ATP8A2: variants seen among roughly 807,000 people sequenced by gnomAD.
ATP8A2 encodes phospholipid-transporting ATPase IB.
Under a neutral mutation model 165.6 loss-of-function variants are expected in ATP8A2, and 100 were observed. The observed-to-expected ratio is 0.60, with a 90% confidence interval of 0.51 to 0.71. The LOEUF is 0.71. Ranked by LOEUF, ATP8A2 falls within the 30% of genes least tolerant of loss-of-function variation. ATP8A2 has a pLI of 0.00. For synonymous variants in ATP8A2, 543 were observed against 548.8 expected (o/e 0.99, Z 0.15); for missense variants, 1,227 against 1,479.5 (o/e 0.83, Z 2.80).
intron 23 of ATP8A2, among the ~76,000 whole-genome samples, chr13:25,589,379 A>G (rs1203471830): frequency 1.3e-5 from 2 of 152,236 alleles, no homozygotes; most frequent in Non-Finnish European, 1.5e-5. Flanking sequence ...TTATACAAGG[A>G]TAACAGAGAT....
chr13:25,817,269 A>G (rs1330703392), intron 27 of ATP8A2, among the ~76,000 whole-genome samples: 1 of 150,038 alleles, frequency 6.7e-6, no homozygotes, highest in Non-Finnish European at 1.5e-5. Context: ...TGGAGCGATT[A>G]TGTTCTATTG....
chr13:25,661,021 C>T (rs1204053441), intron 24 of ATP8A2, among the ~76,000 whole-genome samples: 1 of 152,150 alleles, frequency 6.6e-6, no homozygotes, highest in Non-Finnish European at 1.5e-5. Flanking sequence ...GGGGATTCTT[C>T]ATTTTAATAA....
At chr13:25,529,688 G>A (rs1175974770) in intron 2 of ATP8A2, among the ~76,000 whole-genome samples, 2 of 152,166 alleles carry the variant, frequency 1.3e-5, no homozygotes, top group Non-Finnish European at 2.9e-5. Flanking sequence ...TTATTCACAC[G>A]CCTGCTGTTC....
chr13:25,857,194 C>T (rs1952190606), intron 30 of ATP8A2, among the ~76,000 whole-genome samples: 1 of 152,176 alleles, frequency 6.6e-6, no homozygotes, highest in African/African-American at 2.4e-5. Flanking sequence ...CAAGTGCTGT[C>T]TGCATTCAGA....
chr13:25,538,235 A>T (rs984938506), intron 7 of ATP8A2, among the ~76,000 whole-genome samples, 174 bp downstream of exon 7: 1 of 151,820 alleles, frequency 6.6e-6, no homozygotes, highest in Non-Finnish European at 1.5e-5. Context: ...TTTCTTTCTC[A>T]CATTCATTCC....
intron 27 of ATP8A2, among the ~76,000 whole-genome samples, chr13:25,787,560 G>A (rs2045061249): frequency 6.6e-6 from 1 of 152,118 alleles, no homozygotes. Context: ...CATTTTACTT[G>A]GCAAATACCT....
chr13:25,818,075 T>G (rs138915755), intron 27 of ATP8A2, among the ~76,000 whole-genome samples: 17 of 152,306 alleles, frequency 1.1e-4, no homozygotes, highest in Middle Eastern at 3.4e-3. Context: ...ATGAGAAGAT[T>G]ACTTCTGATT....
At chr13:25,677,893 G>T (rs1345153414) in intron 24 of ATP8A2, among the ~76,000 whole-genome samples, 2 of 152,108 alleles carry the variant, frequency 1.3e-5, no homozygotes, top group Non-Finnish European at 2.9e-5. Context: ...AGAGTTAGTG[G>T]TCCACAGATT....
At position 25,450,562 on chromosome 13, in the gene ATP8A2, C is replaced by T. The variant is rs192366151; in HGVS notation, c.77-18415C>T. On this transcript the variant is annotated intron_variant, in intron 1 of 36. Transcript: ENST00000381655. ...TGTGTGTGTGTGTGAGACGGAGTCTCGCTCTGTCGCCCAGGCTGGAGTGCA... is the reference window on the plus strand; with the variant it reads ...TGTGTGTGTGTGTGAGACGGAGTCTTGCTCTGTCGCCCAGGCTGGAGTGCA... Among the ~76,000 whole-genome samples the T allele has an allele frequency of 6.9e-3, 1,050 of 152,284 alleles. 5 individuals carry two copies. Among genetic ancestry groups the T allele is most frequent in the South Asian group, 0.013 (61 of 4,820 alleles).
intron 1 of ATP8A2, among the ~76,000 whole-genome samples, chr13:25,454,361 A>T (rs944697141): frequency 2.0e-5 from 3 of 152,054 alleles, no homozygotes; most frequent in Non-Finnish European, 4.4e-5. Flanking sequence ...GAGGAGAAGC[A>T]TCAACTCAGG....
At chr13:25,996,708 G>A (rs1956515499) in intron 35 of ATP8A2, among the ~76,000 whole-genome samples, 1 of 151,826 alleles carries the variant, frequency 6.6e-6, no homozygotes, top group Non-Finnish European at 1.5e-5. Flanking sequence ...TTTTGAGACG[G>A]AGTCTCACTC....
intron 1 of ATP8A2, among the ~76,000 whole-genome samples, chr13:25,436,554 T>C (rs1398596045): frequency 6.6e-6 from 1 of 152,168 alleles, no homozygotes; most frequent in African/African-American, 2.4e-5. Context: ...CTGTTGTAAA[T>C]AGTACTGTGA....
At chr13:25,979,888 T>A (rs1350764867) in intron 35 of ATP8A2, among the ~76,000 whole-genome samples, 1 of 152,100 alleles carries the variant, frequency 6.6e-6, no homozygotes, top group Non-Finnish European at 1.5e-5. Flanking sequence ...CTTTTCCTCA[T>A]CCATTACAAG....
chr13:25,612,583 G>C (rs2040716183), intron 24 of ATP8A2, among the ~76,000 whole-genome samples: 1 of 152,134 alleles, frequency 6.6e-6, no homozygotes, highest in Non-Finnish European at 1.5e-5. Context: ...AATGTTCCAA[G>C]TGCTGATGAA....
At chr13:25,591,489 G>A (rs960569977) in intron 24 of ATP8A2, 9 of 390,880 alleles carry the variant, frequency 2.3e-5, no homozygotes, top group African/African-American at 8.3e-5. Flanking sequence ...TCAGAATTTC[G>A]CTCCTTTTTA....
At chr13:25,398,042 G>A (rs1355069757) in intron 1 of ATP8A2, among the ~76,000 whole-genome samples, 2 of 152,098 alleles carry the variant, frequency 1.3e-5, no homozygotes, top group South Asian at 2.1e-4. Context: ...GATGGTAAAT[G>A]TCTCTTATCA....
intron 25 of ATP8A2, among the ~76,000 whole-genome samples, chr13:25,738,333 GCCC>G (rs775044728): frequency 8.8e-4 from 38 of 43,156 alleles, no homozygotes; most frequent in Admixed American, 3.0e-3. Flanking sequence ...TTCTTTTTGT[GCCC>G]CCCTCCCCCC....
At chr13:25,511,146 G>A (rs910788880) in intron 2 of ATP8A2, among the ~76,000 whole-genome samples, 8 of 152,110 alleles carry the variant, frequency 5.3e-5, no homozygotes, top group African/African-American at 1.9e-4. Context: ...ATTACCTCAG[G>A]TCCAAGTAGT....
At chr13:25,719,179 A>G (rs1008704012) in intron 25 of ATP8A2, among the ~76,000 whole-genome samples, 1 of 152,126 alleles carries the variant, frequency 6.6e-6, no homozygotes, top group Admixed American at 6.5e-5. Flanking sequence ...ATGTCTTGCT[A>G]TTTCATTTCT....
Sources: gnomAD v4.1 joint callset for allele counts (sites outside exome capture counted in the v4.1 genomes callset) on GRCh38, gnomAD v4.1.1 for gene constraint, MANE v1.5 for transcripts, NCBI Gene and HGNC (gene_info 2026-07-23, HGNC 2026-07-21) for gene names.